OTOG: variants seen among roughly 807,000 people sequenced by gnomAD.
OTOG encodes the protein otogelin.
In OTOG, 296 loss-of-function variants were observed where a neutral mutation model predicts 313.8. The observed-to-expected ratio is 0.94, with a 90% CI of 0.86 to 1.04. The LOEUF is 1.04. Ranked by LOEUF, OTOG falls within the 50% of genes least tolerant of loss-of-function variation. The probability of loss-of-function intolerance (pLI) is 0.00; values close to 1 mark genes in which losing one functional copy is unlikely to be tolerated. For missense variants in OTOG, 3,948 were observed against 3,840.1 expected (o/e 1.03, Z -0.74); for synonymous variants, 1,533 against 1,554.9 (o/e 0.99, Z 0.33).
intron 55 of OTOG, 50 bp downstream of exon 55, chr11:17,645,693 G>A (rs777297580): frequency 2.6e-5 from 40 of 1,550,580 alleles, no homozygotes; most frequent in Non-Finnish European, 3.4e-5. Flanking sequence ...GGATGGAGGG[G>A]GTTTGGGGGT....
chr11:17,569,942 G>A (rs1388388272), intron 16 of OTOG, among the ~76,000 whole-genome samples: 1 of 152,180 alleles, frequency 6.6e-6, no homozygotes, highest in African/African-American at 2.4e-5. Flanking sequence ...TCCTTAGTGG[G>A]AGCAAAGCTT....
At chr11:17,582,716 T>C (rs966269781) in intron 23 of OTOG, among the ~76,000 whole-genome samples, 2 of 152,230 alleles carry the variant, frequency 1.3e-5, no homozygotes, top group African/African-American at 4.8e-5. Flanking sequence ...CTAATGACTG[T>C]GAGTAATTTT....
chr11:17,627,271 T>C (rs924418392), intron 39 of OTOG, among the ~76,000 whole-genome samples: 1 of 151,990 alleles, frequency 6.6e-6, no homozygotes, highest in Non-Finnish European at 1.5e-5. Flanking sequence ...ATATGGCTTC[T>C]ATTACTTTGA....
chr11:17,567,853 C>A (rs565616218), intron 15 of OTOG, among the ~76,000 whole-genome samples: 1 of 152,212 alleles, frequency 6.6e-6, no homozygotes, highest in South Asian at 2.1e-4. Context: ...TTTTTGTGTG[C>A]CTTGGTTTTC....
At chr11:17,644,250 A>G (rs1848030196) in intron 54 of OTOG, among the ~76,000 whole-genome samples, 1 of 152,270 alleles carries the variant, frequency 6.6e-6, no homozygotes, top group Non-Finnish European at 1.5e-5. Flanking sequence ...TCACTCAGCC[A>G]GTCTTAGTCC....
chr11:17,641,056 A>ACCACCT lies in OTOG; in HGVS notation c.8158_8163dup (p.Thr2720_Ser2721dup). On this transcript the variant is annotated inframe_insertion, in exon 51 of 56. Transcript: ENST00000399397. Reference sequence around the variant, plus strand: ...TCTCACCAACTTCTACCAGATCAACACCACCTCCGTGCTCTGTGACATCCA... The same window carrying ACCACCT: ...TCTCACCAACTTCTACCAGATCAACACCACCTCCACCTCCGTGCTCTGTGACATCCA... 7.9e-7 allele frequency: 1 copy of ACCACCT among 1,265,382 alleles called. No homozygotes were observed. Among genetic ancestry groups the ACCACCT allele is most frequent in the South Asian group, 1.2e-5 (1 of 80,356 alleles). 78.4% of individuals were successfully genotyped at this position (1,265,382 alleles called of 1,614,324 possible).
chr11:17,598,613 C>T (rs1853169280), intron 30 of OTOG, among the ~76,000 whole-genome samples: 1 of 152,178 alleles, frequency 6.6e-6, no homozygotes, highest in African/African-American at 2.4e-5. Context: ...GAGGAGGGCA[C>T]TAAATTTCAC....
rs533389409 is a variant in OTOG, at chr11:17,564,000, G to A, written c.1644+2193G>A. On this transcript the variant is annotated intron_variant, in intron 15 of 55. Coordinates refer to ENST00000399397, the MANE Select transcript of OTOG (RefSeq NM_001292063.2). ...TGTGAGCCACCACACCTGGCCATCA[G>A]CCCTTCTCTCTACCATGTCTCTGAT... 3.2e-4 allele frequency among the ~76,000 whole-genome samples: 49 copies of A among 152,020 alleles called. No homozygotes were observed. The South Asian group carries it at 0.01, about 32-fold the overall frequency.
chr11:17,572,242 G>T (rs1406874530), intron 18 of OTOG, 38 bp downstream of exon 18: 6 of 1,548,392 alleles, frequency 3.9e-6, no homozygotes, highest in South Asian at 2.4e-5. Flanking sequence ...ATGGTTGAGT[G>T]GGGTGGGGAG....
In OTOG at chr11:17,634,093, C is replaced by T. The variant is rs944720348; in HGVS notation, c.7292C>T (p.Pro2431Leu). ...KCACTDSMGV[P>L]RALGETWNSS... is the part of the protein sequence containing the mutation. ...GCCTGCACTGACAGCATGGGGGTGC[C>T]GAGGGCCCTGGGGGAGACCTGGAAC... is the stretch of plus-strand genomic sequence containing the variant. Residue 2431 changes from proline (P) to leucine (L), a missense_variant, in exon 44 of 56, where the codon CCG (proline) becomes CTG (leucine). By Grantham distance (98) the Pro-to-Leu change is moderately conservative (BLOSUM62 -3). Coordinates refer to ENST00000399397, the MANE Select transcript of OTOG (RefSeq NM_001292063.2). The T allele has an allele frequency of 4.5e-6, 7 of 1,546,920 alleles. No individual in the cohort carries two copies. Among genetic ancestry groups the T allele is most frequent in the African/African-American group, 2.7e-5 (2 of 72,968 alleles).
At chr11:17,580,507 G>A (rs1358764944) in intron 23 of OTOG, among the ~76,000 whole-genome samples, 4 of 152,214 alleles carry the variant, frequency 2.6e-5, no homozygotes, top group Non-Finnish European at 2.9e-5. Context: ...CTTGAGGACC[G>A]AGGCCAAAGC....
At chr11:17,632,256 T>C (rs2133704728) in intron 42 of OTOG, 30 bp downstream of exon 42, 1 of 1,539,932 alleles carries the variant, frequency 6.5e-7, no homozygotes, top group South Asian at 1.2e-5. Context: ...GGACCCTCCA[T>C]TGTGACTATT....
At chr11:17,609,280 T>C in intron 35 of OTOG, 71 bp downstream of exon 35, 1 of 1,379,362 alleles carries the variant, frequency 7.2e-7, no homozygotes, top group Non-Finnish European at 1.0e-6. Flanking sequence ...TGAGCAGTCA[T>C]GCCTCAAAGC....
At chr11:17,574,315 AGT>A (rs60387184) in intron 19 of OTOG, among the ~76,000 whole-genome samples, 10 of 150,876 alleles carry the variant, frequency 6.6e-5, no homozygotes, top group Admixed American at 2.0e-4. Context: ...AGGGGGTAGG[AGT>A]GTGTGTGTGT....
intron 40 of OTOG, among the ~76,000 whole-genome samples, chr11:17,629,941 C>G (rs1276815647): frequency 6.6e-6 from 1 of 152,072 alleles, no homozygotes; most frequent in Non-Finnish European, 1.5e-5. Flanking sequence ...GACAGACTAC[C>G]ATGATTGTGA....
At chr11:17,563,596 A>G (rs1049831429) in intron 15 of OTOG, among the ~76,000 whole-genome samples, 5 of 152,192 alleles carry the variant, frequency 3.3e-5, no homozygotes, top group Non-Finnish European at 7.3e-5. Flanking sequence ...CATAAGACAG[A>G]CAAGACACAC....
At chr11:17,617,577 T>G (rs1853753301) in intron 39 of OTOG, among the ~76,000 whole-genome samples, 1 of 152,238 alleles carries the variant, frequency 6.6e-6, no homozygotes, top group South Asian at 2.1e-4. Flanking sequence ...TCCAAGTTGT[T>G]AAATTTATAA....
At chr11:17,637,202 C>A (rs1176312480) in intron 47 of OTOG, among the ~76,000 whole-genome samples, 1 of 152,060 alleles carries the variant, frequency 6.6e-6, no homozygotes, top group Non-Finnish European at 1.5e-5. Flanking sequence ...TGTGGTTTAC[C>A]AAAATCAGCT....
At chr11:17,552,678 T>C (rs1851970019) in intron 4 of OTOG, among the ~76,000 whole-genome samples, 1 of 89,444 alleles carries the variant, frequency 1.1e-5, no homozygotes, top group South Asian at 2.8e-4. Context: ...TCGTCTATGG[T>C]TGTTCTTGCT....
Sources: allele counts gnomAD v4.1 joint callset (sites outside exome capture counted in the v4.1 genomes callset), GRCh38; gene constraint gnomAD v4.1.1; transcripts MANE v1.5; gene names NCBI Gene and HGNC (gene_info 2026-07-23, HGNC 2026-07-21).